GRM1: variants seen among roughly 807,000 people sequenced by gnomAD.
The protein encoded by GRM1 is metabotropic glutamate receptor 1.
GRM1 carries 33 observed loss-of-function variants against 90.9 expected under a neutral mutation model. The observed-to-expected ratio is 0.36, with a 90% CI of 0.28 to 0.49. GRM1 has a LOEUF of 0.49. Ranked by LOEUF, GRM1 falls within the 20% of genes least tolerant of loss-of-function variation. The pLI, the probability that GRM1 is intolerant of heterozygous loss-of-function variation, is 0.99. For synonymous variants in GRM1, 700 were observed against 613.2 expected (o/e 1.14, Z -2.09); for missense variants, 1,190 against 1,534.3 (o/e 0.78, Z 3.75).
chr6:146,223,601 A>AT (rs1046713859), intron 2 of GRM1, among the ~76,000 whole-genome samples: 13 of 151,852 alleles, frequency 8.6e-5, no homozygotes, highest in African/African-American at 1.5e-4. Context: ...AAAAATGCCA[A>AT]TTTTTTTTCA....
chr6:146,139,726 A>G (rs536467561), intron 1 of GRM1, among the ~76,000 whole-genome samples: 120 of 152,206 alleles, frequency 7.9e-4, no homozygotes, highest in Admixed American at 1.6e-3. Flanking sequence ...CTTATAGGCA[A>G]TAGATCATTG....
intron 1 of GRM1, among the ~76,000 whole-genome samples, chr6:146,110,134 T>G (rs1775499912): frequency 6.6e-6 from 1 of 152,040 alleles, no homozygotes; most frequent in South Asian, 2.1e-4. Context: ...CACGATTGGT[T>G]TTGAAATGTG....
chr6:146,263,163 G>A (rs1781760863), intron 2 of GRM1, among the ~76,000 whole-genome samples: 1 of 151,922 alleles, frequency 6.6e-6, no homozygotes, highest in Non-Finnish European at 1.5e-5. Context: ...ATGAAAAATG[G>A]TGTCTACTTC....
In GRM1 at chr6:146,399,583, T is replaced by C. The variant is rs1777079117; in HGVS notation, c.2544T>C (p.Ser848=). Residue 848 remains serine, a synonymous_variant, in exon 7 of 8, where the codon AGT becomes AGC. Coordinates refer to ENST00000282753, the MANE Select transcript of GRM1 (RefSeq NM_001278064.2). The surrounding 1 kb of genome is among the most constrained non-coding windows in gnomAD (Gnocchi z 5.4). ...IIAKPERNVR[S]AFTTSDVVRM... The stretch of plus-strand genomic sequence containing the variant: ...CCAAGCCTGAGAGGAATGTCCGCAG[T>C]GCCTTCACCACCTCTGATGTTGTCC... 1 of 1,614,124 alleles carries C rather than the reference T, an allele frequency of 6.2e-7. No homozygotes were observed. The highest frequency in any genetic ancestry group is 8.5e-7 in the Non-Finnish European group (1 of 1,179,944).
chr6:146,212,730 G>T (rs774281548), intron 2 of GRM1, among the ~76,000 whole-genome samples: 3 of 152,150 alleles, frequency 2.0e-5, no homozygotes, highest in Non-Finnish European at 2.9e-5. Flanking sequence ...TCAGTTCAAA[G>T]ATCAAAAACT....
chr6:146,393,680 G>A (rs1776817373), intron 6 of GRM1, among the ~76,000 whole-genome samples: 1 of 152,064 alleles, frequency 6.6e-6, no homozygotes, highest in South Asian at 2.1e-4. Context: ...CGTGAAAATG[G>A]CCATACTGCC....
chr6:146,238,969 TAATG>T (rs1780751585), intron 2 of GRM1, among the ~76,000 whole-genome samples: 1 of 152,182 alleles, frequency 6.6e-6, no homozygotes, highest in Non-Finnish European at 1.5e-5. Context: ...GAAACTCTGC[TAATG>T]ATAACATTTG....
At chr6:146,119,156 C>A (rs1052186130) in intron 1 of GRM1, among the ~76,000 whole-genome samples, 9 of 152,204 alleles carry the variant, frequency 5.9e-5, no homozygotes, top group Non-Finnish European at 1.3e-4. Context: ...GATGGTATCT[C>A]ATTGTGGTTT....
chr6:146,180,691 G>T (rs1056720603), intron 2 of GRM1, among the ~76,000 whole-genome samples: 1 of 151,196 alleles, frequency 6.6e-6, no homozygotes, highest in Non-Finnish European at 1.5e-5. Context: ...CAAATGTCAC[G>T]AACTTAAACT....
chr6:146,270,104 C>T lies in GRM1; in HGVS notation c.951-34507C>T, dbSNP rs140897961. 1.3e-4 allele frequency among the ~76,000 whole-genome samples: 20 copies of T among 152,140 alleles called. No individual in the cohort carries two copies. In the Middle Eastern group the frequency reaches 0.01, roughly 78 times the overall value. Reference sequence around the variant, plus strand: ...TGTTTTTGTCCATCACAAGGGCCTGCTAGCTGGAAAAATTAGATTTAGGTA... The same window carrying T: ...TGTTTTTGTCCATCACAAGGGCCTGTTAGCTGGAAAAATTAGATTTAGGTA... On this transcript the variant is annotated intron_variant, in intron 2 of 7. Coordinates refer to ENST00000282753, the MANE Select transcript of GRM1 (RefSeq NM_001278064.2).
chr6:146,049,520 T>G (rs1219117039), intron 1 of GRM1, among the ~76,000 whole-genome samples: 1 of 152,012 alleles, frequency 6.6e-6, no homozygotes, highest in East Asian at 1.9e-4. Context: ...GCTTCCCTGG[T>G]TCTCAGGCCT....
chr6:146,414,745 T>C (rs1777712207), intron 7 of GRM1, among the ~76,000 whole-genome samples: 1 of 152,208 alleles, frequency 6.6e-6, no homozygotes, highest in African/African-American at 2.4e-5. Flanking sequence ...GAATTCTTTG[T>C]CAGATTTATT....
At chr6:146,291,204 C>G (rs536782353) in intron 2 of GRM1, among the ~76,000 whole-genome samples, 2 of 152,044 alleles carry the variant, frequency 1.3e-5, no homozygotes, top group East Asian at 3.9e-4. Context: ...TTATTTTCAG[C>G]TTTTCAATCT....
At chr6:146,392,525 C>T (rs1340828057) in intron 6 of GRM1, among the ~76,000 whole-genome samples, 2 of 152,168 alleles carry the variant, frequency 1.3e-5, no homozygotes, top group Non-Finnish European at 2.9e-5. Context: ...GCATAACATA[C>T]CTTTATATTA....
At chr6:146,265,521 C>T (rs1201601632) in intron 2 of GRM1, among the ~76,000 whole-genome samples, 1 of 152,112 alleles carries the variant, frequency 6.6e-6, no homozygotes, top group Non-Finnish European at 1.5e-5. Context: ...TGTCCAGAAA[C>T]TTTTTAGTTT....
chr6:146,194,272 C>G (rs1370716917), intron 2 of GRM1, among the ~76,000 whole-genome samples: 6 of 152,130 alleles, frequency 3.9e-5, no homozygotes, highest in African/African-American at 1.2e-4. Flanking sequence ...TCATTATCCA[C>G]TAATGACATC....
intron 3 of GRM1, among the ~76,000 whole-genome samples, chr6:146,348,444 G>A (rs1186422737): frequency 6.6e-6 from 1 of 152,192 alleles, no homozygotes; most frequent in Admixed American, 6.5e-5. Flanking sequence ...GGCCAGCAGG[G>A]CTGAGACTGA....
chr6:146,348,381 T>A (rs1785256998), intron 3 of GRM1, among the ~76,000 whole-genome samples: 1 of 152,244 alleles, frequency 6.6e-6, no homozygotes, highest in South Asian at 2.1e-4. Context: ...AAAAGCCACA[T>A]GACTTTCCAA....
At chr6:146,172,942 A>T (rs1778191280) in intron 2 of GRM1, among the ~76,000 whole-genome samples, 1 of 152,206 alleles carries the variant, frequency 6.6e-6, no homozygotes, top group African/African-American at 2.4e-5. Flanking sequence ...AGAAATAAAT[A>T]CGTAAGGCTG....
Sources: allele counts gnomAD v4.1 joint callset (sites outside exome capture counted in the v4.1 genomes callset), GRCh38; gene constraint gnomAD v4.1.1; non-coding constraint Gnocchi (gnomAD v3.1); transcripts MANE v1.5; gene names NCBI Gene and HGNC (gene_info 2026-07-23, HGNC 2026-07-21).